Variants in APP observed in about 807,000 individuals in gnomAD.
APP encodes the protein amyloid beta precursor protein, also known as amyloid-beta precursor protein.
A neutral mutation model predicts 101.4 loss-of-function variants in APP; 31 were observed. The observed-to-expected ratio is 0.31, with a 90% CI of 0.23 to 0.41. The LOEUF is 0.41. APP is among the 10% of genes least tolerant of loss of function. The pLI is 1.00. For synonymous variants in APP, 366 were observed against 364.4 expected (o/e 1.00, Z -0.05); for missense variants, 839 against 1,003.7 (o/e 0.84, Z 2.22).
intron 1 of APP, among the ~76,000 whole-genome samples, chr21:26,118,895 GA>G (rs892875027): frequency 1.7e-4 from 25 of 149,252 alleles, no homozygotes; most frequent in African/African-American, 2.7e-4. Context: ...AAAAAAAAAT[GA>G]AAAAAAAATA....
chr21:26,099,818 A>C (rs1258096962), intron 2 of APP, among the ~76,000 whole-genome samples: 4 of 152,218 alleles, frequency 2.6e-5, no homozygotes, highest in Admixed American at 1.3e-4. Flanking sequence ...TACTGCAATA[A>C]TGGGAGGTAT....
chr21:25,938,918 C>T (rs1335734590), intron 13 of APP, among the ~76,000 whole-genome samples: 2 of 152,094 alleles, frequency 1.3e-5, no homozygotes, highest in Non-Finnish European at 2.9e-5. Context: ...AGGCCTTAGA[C>T]GACAGTAAAC....
intron 2 of APP, among the ~76,000 whole-genome samples, chr21:26,098,274 G>A (rs1250351119): frequency 6.6e-6 from 1 of 151,190 alleles, no homozygotes; most frequent in Non-Finnish European, 1.5e-5. Context: ...TTAAAACCTG[G>A]TCACCATCAG....
At chr21:25,920,703 TA>T (rs1426296338) in intron 13 of APP, among the ~76,000 whole-genome samples, 1 of 151,174 alleles carries the variant, frequency 6.6e-6, no homozygotes, top group Non-Finnish European at 1.5e-5. Flanking sequence ...ATGCACCCAA[TA>T]CAGGAGCACC....
At chr21:25,918,935 GACAA>G (rs1185324671) in intron 13 of APP, among the ~76,000 whole-genome samples, 1 of 137,290 alleles carries the variant, frequency 7.3e-6, no homozygotes, top group Non-Finnish European at 1.6e-5. Context: ...GCAGGGCACA[GACAA>G]ACAAAAAGAC....
chr21:26,064,276 T>C (rs1601367572), intron 3 of APP, among the ~76,000 whole-genome samples: 1 of 152,130 alleles, frequency 6.6e-6, no homozygotes, highest in Non-Finnish European at 1.5e-5. Flanking sequence ...TGTATCAAAA[T>C]TGGTTTACTG....
At chr21:26,112,805 A>C (rs1454575087) in intron 1 of APP, among the ~76,000 whole-genome samples, 1 of 152,100 alleles carries the variant, frequency 6.6e-6, no homozygotes, top group Admixed American at 6.6e-5. Flanking sequence ...CTCCTCTCCC[A>C]ACCATCTGCA....
intron 5 of APP, 75 bp from the exon 6 acceptor site, chr21:26,022,117 A>G: frequency 1.9e-6 from 3 of 1,556,752 alleles, no homozygotes; most frequent in Non-Finnish European, 2.6e-6. Context: ...AGTCGTCCAT[A>G]TGGAATTTTG....
At chr21:26,029,844 C>A (rs1335366893) in intron 5 of APP, among the ~76,000 whole-genome samples, 1 of 152,076 alleles carries the variant, frequency 6.6e-6, no homozygotes, top group Non-Finnish European at 1.5e-5. Context: ...TGTATGCGAC[C>A]TGTAAGGCCT....
chr21:26,126,428 C>T (rs1171594769), intron 1 of APP, among the ~76,000 whole-genome samples: 2 of 152,164 alleles, frequency 1.3e-5, no homozygotes, highest in Non-Finnish European at 1.5e-5. Flanking sequence ...TTTCTGTGTA[C>T]GGCCAATCTC....
chr21:25,960,531 T>A (rs1318076051), intron 11 of APP, among the ~76,000 whole-genome samples: 10 of 152,146 alleles, frequency 6.6e-5, no homozygotes, highest in Non-Finnish European at 1.5e-4. Context: ...TTTTAGCTTT[T>A]AGTATTTAAC....
intron 1 of APP, among the ~76,000 whole-genome samples, chr21:26,131,918 TC>T (rs2062805617): frequency 6.6e-6 from 1 of 151,994 alleles, no homozygotes; most frequent in Admixed American, 6.6e-5. Context: ...TTTTTTTTTT[TC>T]ACTCAGATCC....
At chr21:26,137,725 A>T (rs2062951329) in intron 1 of APP, among the ~76,000 whole-genome samples, 1 of 152,204 alleles carries the variant, frequency 6.6e-6, no homozygotes. Flanking sequence ...TATTTCTACA[A>T]TTCAAATAAT....
At chr21:25,936,917 G>A (rs1375560852) in intron 13 of APP, among the ~76,000 whole-genome samples, 1 of 152,116 alleles carries the variant, frequency 6.6e-6, no homozygotes, top group African/African-American at 2.4e-5. Context: ...GAATCTGAGA[G>A]TAACAAGGGG....
In APP at chr21:26,029,867, T is replaced by C. The variant is rs370954889; in HGVS notation, c.663-7825A>G. Among the ~76,000 whole-genome samples the C allele has an allele frequency of 5.3e-5, 8 of 152,296 alleles. No individual in the cohort carries two copies. The East Asian group carries it at 1.5e-3, about 29-fold the overall frequency. ...ACCTGTAAGGCCTAAATACGGATTG[T>C]AAAAATGACCATTTAAAGTCAAACC... On this transcript the variant is annotated intron_variant, in intron 5 of 17. Transcript: ENST00000346798.
chr21:26,083,497 A>G (rs1253471565), intron 3 of APP, among the ~76,000 whole-genome samples: 1 of 152,264 alleles, frequency 6.6e-6, no homozygotes, highest in Non-Finnish European at 1.5e-5. Flanking sequence ...ACTGCAAGGA[A>G]GCCAAATGGT....
At chr21:26,124,062 G>A (rs2062632136) in intron 1 of APP, among the ~76,000 whole-genome samples, 1 of 151,704 alleles carries the variant, frequency 6.6e-6, no homozygotes, top group Admixed American at 6.6e-5. Flanking sequence ...CTTTAGCACT[G>A]GCCTGACTCT....
chr21:25,921,024 C>T (rs1011858437), intron 13 of APP, among the ~76,000 whole-genome samples: 2 of 146,826 alleles, frequency 1.4e-5, no homozygotes, highest in Non-Finnish European at 3.0e-5. Context: ...TTATAACAAA[C>T]TATCTCTCCG....
At chr21:26,151,542 G>C (rs935769181) in intron 1 of APP, among the ~76,000 whole-genome samples, 1 of 152,052 alleles carries the variant, frequency 6.6e-6, no homozygotes. Flanking sequence ...GCAATTTATA[G>C]CAGTGGTCCC....
Sources: gnomAD v4.1 joint callset for allele counts (sites outside exome capture counted in the v4.1 genomes callset) on GRCh38, gnomAD v4.1.1 for gene constraint, MANE v1.5 for transcripts, NCBI Gene and HGNC (gene_info 2026-07-23, HGNC 2026-07-21) for gene names.